The following EPB41L1 variants were observed in gnomAD, a reference collection of about 807,000 sequenced individuals.
EPB41L1 encodes erythrocyte membrane protein band 4.1 like 1.
In EPB41L1, 29 loss-of-function variants were observed where a neutral mutation model predicts 97.8. The ratio of observed to expected loss-of-function variants is 0.30; its 90% confidence interval spans 0.22 to 0.40. EPB41L1 has a LOEUF of 0.40. EPB41L1 is among the 10% of genes least tolerant of loss of function. EPB41L1 has a pLI of 1.00. For missense variants in EPB41L1, 812 were observed against 1,162.3 expected (o/e 0.70, Z 4.38); for synonymous variants, 383 against 459.2 (o/e 0.83, Z 2.12).
At chr20:36,208,279 C>T in intron 14 of EPB41L1, 1 of 427,502 alleles carries the variant, frequency 2.3e-6, no homozygotes, top group Non-Finnish European at 4.7e-6. Flanking sequence ...CTCCTTAAGA[C>T]TAACTGTCTT....
Position 36,206,559 on chromosome 20 carries a change from C to T in EPB41L1, c.1669-2929C>T, listed in dbSNP as rs971101053. ...GAAAAGGGCGCCTGGATGCCCCTCC[C>T]GGAGGTGAGCCCAGGCCGACGCTGA... On this transcript the variant is annotated intron_variant, in intron 14 of 21. Transcript: ENST00000338074. The surrounding 1 kb of genome is among the most constrained non-coding windows in gnomAD (Gnocchi z 5.5). 2.1e-5 allele frequency: 27 copies of T among 1,289,720 alleles called. No homozygotes were observed. In the Middle Eastern group the frequency reaches 1.1e-3, roughly 51 times the overall value. 79.9% of individuals were successfully genotyped at this position (1,289,720 alleles called of 1,614,324 possible).
intron 14 of EPB41L1, among the ~76,000 whole-genome samples, chr20:36,205,642 T>G (rs950221975): frequency 1.3e-5 from 2 of 152,140 alleles, no homozygotes; most frequent in Non-Finnish European, 2.9e-5. Flanking sequence ...GGTCAATAAT[T>G]TATCAAGTGC....
chr20:36,143,097 G>A (rs1329073236), intron 2 of EPB41L1, among the ~76,000 whole-genome samples: 3 of 151,932 alleles, frequency 2.0e-5, no homozygotes, highest in South Asian at 2.1e-4. Context: ...GTGTCTGGAG[G>A]TGCAGTCCTG....
chr20:36,119,907 T>C (rs2058699309), intron 2 of EPB41L1, among the ~76,000 whole-genome samples: 1 of 151,998 alleles, frequency 6.6e-6, no homozygotes, highest in Admixed American at 6.6e-5. Flanking sequence ...CTGCCCGCCC[T>C]CCTCCTCTGT....
chr20:36,102,358 T>G (rs1261841565), intron 1 of EPB41L1, among the ~76,000 whole-genome samples: 3 of 152,166 alleles, frequency 2.0e-5, no homozygotes, highest in Non-Finnish European at 4.4e-5. Flanking sequence ...AACTGCTGTC[T>G]TCAGGGTTGT....
intron 11 of EPB41L1, among the ~76,000 whole-genome samples, chr20:36,192,200 A>G (rs1275886747): frequency 6.6e-6 from 1 of 151,896 alleles, no homozygotes; most frequent in Non-Finnish European, 1.5e-5. Context: ...CAGCCTGGGC[A>G]ACAAAGCGAG....
chr20:36,141,180 T>C (rs2059624083), intron 2 of EPB41L1, among the ~76,000 whole-genome samples: 2 of 152,168 alleles, frequency 1.3e-5, no homozygotes, highest in Admixed American at 1.3e-4. Flanking sequence ...ATGTGAATCC[T>C]GATTCACTCT....
At position 36,229,395 on chromosome 20, in the gene EPB41L1, A is replaced by G. The variant is rs529803570; in HGVS notation, c.*55A>G. 3 of 1,591,044 alleles carry G rather than the reference A, an allele frequency of 1.9e-6. No individual in the cohort carries two copies. The highest frequency in any genetic ancestry group is 2.6e-6 in the Non-Finnish European group (3 of 1,159,366). On this transcript the variant is annotated 3_prime_UTR_variant, in exon 22 of 22. Transcript: ENST00000338074. ...TCCAACCCAAGCCAGAGAACCATTA[A>G]GAAGGGGCCTTCATTCTGGATTCTC...
rs1036366910 is a variant in EPB41L1 at position 36,222,516 on chromosome 20, C to A, written c.2637+122C>A. ...CCCTAGTGCAGCTTTGACCCTCCCC[C>A]CATCAGCCTTCCTGATTTGCTGCTC... On this transcript the variant is annotated intron_variant, in intron 21 of 21. Transcript: ENST00000338074. 99 of 751,572 alleles carry A rather than the reference C, an allele frequency of 1.3e-4. No homozygotes were observed. The East Asian group carries it at 2.4e-3, about 18-fold the overall frequency. 46.6% of individuals were successfully genotyped at this position (751,572 alleles called of 1,614,324 possible). A position where few individuals can be genotyped will look rare whatever the true frequency, so the allele number is the denominator to read the frequency against.
At chr20:36,143,635 C>T (rs553710907) in intron 2 of EPB41L1, among the ~76,000 whole-genome samples, 1 of 152,164 alleles carries the variant, frequency 6.6e-6, no homozygotes, top group South Asian at 2.1e-4. Flanking sequence ...CTATCTATCA[C>T]TCAGGGGGTG....
In EPB41L1 at chr20:36,206,695, G is replaced by A; in HGVS notation, c.1669-2793G>A. On this transcript the variant is annotated intron_variant, in intron 14 of 21. Coordinates refer to ENST00000338074, the MANE Select transcript of EPB41L1 (RefSeq NM_012156.2). The surrounding 1 kb of genome is among the most constrained non-coding windows in gnomAD (Gnocchi z 5.5). ...GACCCCCAAGAACCATGGAGGACCT[G>A]GTGACCTGAAGGGATCTCCCGCAGG... The A allele has an allele frequency of 2.3e-6, 3 of 1,289,860 alleles. No individual in the cohort carries two copies. The highest frequency in any genetic ancestry group is 2.0e-6 in the Non-Finnish European group (2 of 988,872). The allele number at this position is 1,289,860 out of a possible 1,614,324, so 79.9% of individuals were successfully genotyped here. A position where few individuals can be genotyped will look rare whatever the true frequency, so the allele number is the denominator to read the frequency against.
rs2057743792 is a variant in EPB41L1, at chr20:36,093,826, G to T, written c.-65+2214G>T. 6.6e-6 allele frequency among the ~76,000 whole-genome samples: 1 copy of T among 152,040 alleles called. No homozygotes were observed. Among genetic ancestry groups the T allele is most frequent in the Non-Finnish European group, 1.5e-5 (1 of 67,986 alleles). ...GGGATTCATTTCCTGTTGTGGCCAG[G>T]GGACATGTCCCCTCCGGCCTCCCCC... is the stretch of plus-strand genomic sequence containing the variant. On this transcript the variant is annotated intron_variant, in intron 1 of 19. Coordinates refer to the EPB41L1 transcript ENST00000202028. This position sits in a 1 kb window ranked among gnomAD's most constrained non-coding sequence, Gnocchi z 5.4.
Position 36,123,922 on chromosome 20 carries a change from C to T in EPB41L1, c.-10+11442C>T, listed in dbSNP as rs117925955. Among the ~76,000 whole-genome samples the T allele has an allele frequency of 1.6e-4, 25 of 152,296 alleles. No individual in the cohort carries two copies. The East Asian group carries it at 4.8e-3, about 29-fold the overall frequency. On this transcript the variant is annotated intron_variant, in intron 2 of 19. Coordinates refer to the EPB41L1 transcript ENST00000202028. ...ATACACCATCTATATTCCCAAGTCT[C>T]CTTTCCAAGTGGCAGCCAGAGTGAA...
At chr20:36,184,260 TAGGC>T (rs1009824366) in intron 6 of EPB41L1, among the ~76,000 whole-genome samples, 4 of 150,672 alleles carry the variant, frequency 2.7e-5, no homozygotes, top group African/African-American at 9.8e-5. Context: ...GAAAAAGAAA[TAGGC>T]AGTTGAAAAA....
At chr20:36,177,186 C>A (rs938226640) in intron 3 of EPB41L1, among the ~76,000 whole-genome samples, 1 of 152,196 alleles carries the variant, frequency 6.6e-6, no homozygotes, top group Non-Finnish European at 1.5e-5. Context: ...TCTCTAGAGT[C>A]CCTGCCTCTT....
chr20:36,177,011 C>T (rs1378042297), intron 3 of EPB41L1, among the ~76,000 whole-genome samples: 1 of 152,204 alleles, frequency 6.6e-6, no homozygotes, highest in Non-Finnish European at 1.5e-5. Flanking sequence ...TATGTCCTCT[C>T]TCCTACCTTG....
chr20:36,191,595 G>A (rs1199015278), intron 11 of EPB41L1, among the ~76,000 whole-genome samples: 1 of 152,156 alleles, frequency 6.6e-6, no homozygotes, highest in Non-Finnish European at 1.5e-5. Context: ...ACACACTAGA[G>A]TTTGTAGGTG....
intron 2 of EPB41L1, among the ~76,000 whole-genome samples, chr20:36,115,768 T>C (rs1483010151): frequency 6.6e-6 from 1 of 152,142 alleles, no homozygotes; most frequent in African/African-American, 2.4e-5. Context: ...GGAGCATGCC[T>C]GTAATCCCAG....
chr20:36,183,310 G>A (rs79160647), intron 6 of EPB41L1, among the ~76,000 whole-genome samples: 14 of 152,298 alleles, frequency 9.2e-5, no homozygotes, highest in African/African-American at 2.6e-4. Context: ...TGTTGATTGC[G>A]TGTTTGCCAG....
Sources: gnomAD v4.1 joint callset for allele counts (sites outside exome capture counted in the v4.1 genomes callset) on GRCh38, gnomAD v4.1.1 for gene constraint, Gnocchi (gnomAD v3.1) non-coding constraint, MANE v1.5 for transcripts, NCBI Gene and HGNC (gene_info 2026-07-23, HGNC 2026-07-21) for gene names.